MACC1: variants seen among roughly 807,000 people sequenced by gnomAD.
The protein encoded by MACC1 is metastasis-associated in colon cancer protein 1.
A neutral mutation model predicts 70.7 loss-of-function variants in MACC1; 79 were observed. The observed-to-expected ratio is 1.12, with a 90% CI of 0.93 to 1.35. The LOEUF (loss-of-function observed/expected upper bound fraction) is 1.35. Among genes scored for constraint, MACC1 ranks in the 40% most tolerant of loss-of-function variants. The pLI is 0.00. For synonymous variants in MACC1, 361 were observed against 347.2 expected (o/e 1.04, Z -0.44); for missense variants, 1,106 against 978.1 (o/e 1.13, Z -1.74).
intron 1 of MACC1, among the ~76,000 whole-genome samples, chr7:20,194,221 T>C (rs550269381): frequency 2.0e-4 from 30 of 152,196 alleles, no homozygotes; most frequent in Non-Finnish European, 3.5e-4. Context: ...TGCCGCTTTT[T>C]TTATATCCTA....
At chr7:20,197,218 G>T (rs1211261217) in intron 1 of MACC1, among the ~76,000 whole-genome samples, 2 of 152,152 alleles carry the variant, frequency 1.3e-5, no homozygotes, top group Non-Finnish European at 2.9e-5. Context: ...TTTTCCTAAA[G>T]TCAACAAGTC....
chr7:20,141,807 T>C (rs977278030), intron 6 of MACC1: 10 of 152,110 alleles, frequency 6.6e-5, no homozygotes, highest in African/African-American at 1.2e-4. Flanking sequence ...ATTGTTTCCA[T>C]AGAAATAAAT....
chr7:20,175,834 G>A (rs3114440), intron 1 of MACC1, among the ~76,000 whole-genome samples: 70,377 of 151,954 alleles, frequency 0.46, 17,628 homozygotes, highest in East Asian at 0.86. Context: ...TGAAGCTGGA[G>A]CAGCCTTAAA....
intron 5 of MACC1, among the ~76,000 whole-genome samples, chr7:20,155,059 T>C (rs1249394121): frequency 6.6e-6 from 1 of 152,166 alleles, no homozygotes; most frequent in African/African-American, 2.4e-5. Context: ...CACCTAGTCT[T>C]CTACAATGCA....
chr7:20,177,485 T>C (rs1782411840), intron 1 of MACC1, among the ~76,000 whole-genome samples: 4 of 152,258 alleles, frequency 2.6e-5, no homozygotes, highest in Non-Finnish European at 4.4e-5. Context: ...TGTTAAACCA[T>C]ATAAGTATGT....
intron 1 of MACC1, among the ~76,000 whole-genome samples, chr7:20,205,980 CT>C (rs1417658332): frequency 6.6e-6 from 1 of 152,006 alleles, no homozygotes; most frequent in Non-Finnish European, 1.5e-5. Context: ...ATTTCTTTTC[CT>C]TAGTTCTGCC....
intron 1 of MACC1, among the ~76,000 whole-genome samples, chr7:20,212,108 T>C (rs1422567609): frequency 6.6e-6 from 1 of 152,132 alleles, no homozygotes; most frequent in Non-Finnish European, 1.5e-5. Flanking sequence ...GATAGGATAG[T>C]GGTAACCTTT....
chr7:20,193,624 G>A (rs756441027), intron 1 of MACC1, among the ~76,000 whole-genome samples: 1 of 152,178 alleles, frequency 6.6e-6, no homozygotes, highest in Non-Finnish European at 1.5e-5. Flanking sequence ...TGTCAAAGCT[G>A]TAGCTAAACT....
rs1020010894 is a variant in MACC1, at chr7:20,164,405, A to G, written c.-152-6T>C. ...AAGCAGAAGCCTTTTCTGATCTATA[A>G]AAATGAAAGAAAAAATTAAAACAAG... On this transcript the variant is annotated splice_polypyrimidine_tract_variant and splice_region_variant and intron_variant, in intron 2 of 6. Transcript: ENST00000400331. 1 of 152,156 alleles carries G rather than the reference A, an allele frequency of 6.6e-6. No homozygotes were observed. The highest frequency in any genetic ancestry group is 2.4e-5 in the African/African-American group (1 of 41,424). The allele number at this position is 152,156 out of a possible 1,614,324, so 9.4% of individuals were successfully genotyped here.
At chr7:20,146,076 G>A (rs1781886270) in intron 6 of MACC1, among the ~76,000 whole-genome samples, 1 of 150,866 alleles carries the variant, frequency 6.6e-6, no homozygotes, top group Admixed American at 6.6e-5. Flanking sequence ...CAGGAGAATC[G>A]CTTGAACCCA....
In MACC1 at chr7:20,167,588, G is replaced by A. The variant is rs147967961; in HGVS notation, c.-153+3126C>T. Among the ~76,000 whole-genome samples, 33 of 151,162 alleles carry A rather than the reference G, an allele frequency of 2.2e-4. 1 individual carries two copies. Among genetic ancestry groups the A allele is most frequent in the African/African-American group, 7.5e-4 (31 of 41,112 alleles). ...GCTACTAAGTAGCAAACCAGTCTTTGAACTTAAGGATACTAGATACTAGCA... is the reference window on the plus strand; with the variant it reads ...GCTACTAAGTAGCAAACCAGTCTTTAAACTTAAGGATACTAGATACTAGCA... On this transcript the variant is annotated intron_variant, in intron 2 of 6. Coordinates refer to ENST00000400331, the MANE Select transcript of MACC1 (RefSeq NM_182762.4).
chr7:20,145,292 A>G (rs997535518), intron 6 of MACC1, among the ~76,000 whole-genome samples: 1 of 152,142 alleles, frequency 6.6e-6, no homozygotes, highest in Admixed American at 6.5e-5. Flanking sequence ...GGAAATTAGC[A>G]GGACTTTGGT....
At chr7:20,198,402 C>G (rs1275941994) in intron 1 of MACC1, 5 of 152,138 alleles carry the variant, frequency 3.3e-5, no homozygotes, top group African/African-American at 1.2e-4. Flanking sequence ...CATGCTAGTC[C>G]AGGATATAAA....
intron 1 of MACC1, among the ~76,000 whole-genome samples, chr7:20,189,241 C>G (rs1171681934): frequency 6.6e-6 from 1 of 152,128 alleles, no homozygotes. Flanking sequence ...CTTCATGTTA[C>G]TCACAAAATA....
rs12671223 is a variant in MACC1, at chr7:20,175,049, T to C, written c.-217-4271A>G. Among the ~76,000 whole-genome samples, 1,133 of 152,230 alleles carry C rather than the reference T, an allele frequency of 7.4e-3. 27 individuals are homozygous for C. Among genetic ancestry groups the C allele is most frequent in the East Asian group, 0.039 (202 of 5,190 alleles). The stretch of plus-strand genomic sequence containing the variant: ...ATTTACGATATTTTATGTCATATTC[T>C]AATTTTATGTTGACAAATCTATAAA... On this transcript the variant is annotated intron_variant, in intron 1 of 6. Transcript: ENST00000400331.
rs191735303 is a variant in MACC1 at position 20,160,394 on chromosome 7, A to G, written c.116-149T>C. ...TAGTCTACTAGCTAACATAAACTCA[A>G]TGTTAAATTTGCTCAAATTTATATG... On this transcript the variant is annotated intron_variant, in intron 4 of 6. Coordinates refer to ENST00000400331, the MANE Select transcript of MACC1 (RefSeq NM_182762.4). The G allele has an allele frequency of 1.6e-5, 15 of 911,440 alleles. No individual in the cohort carries two copies. The Admixed American group carries it at 4.0e-4, about 24-fold the overall frequency. 56.5% of individuals were successfully genotyped at this position (911,440 alleles called of 1,614,324 possible). A position where few individuals can be genotyped will look rare whatever the true frequency, so the allele number is the denominator to read the frequency against.
At chr7:20,209,265 T>C (rs933171065) in intron 1 of MACC1, among the ~76,000 whole-genome samples, 17 of 152,200 alleles carry the variant, frequency 1.1e-4, no homozygotes, top group African/African-American at 3.6e-4. Flanking sequence ...TGACATTTTG[T>C]ACCATATGCC....
In MACC1 at chr7:20,140,576, G is replaced by A. The variant is rs1781781237; in HGVS notation, c.*370C>T. 6.0e-6 allele frequency: 1 copy of A among 166,866 alleles called. No individual in the cohort carries two copies. The highest frequency in any genetic ancestry group is 2.0e-4 in the South Asian group (1 of 5,092). 10.3% of individuals were successfully genotyped at this position (166,866 alleles called of 1,614,324 possible). On this transcript the variant is annotated 3_prime_UTR_variant, in exon 7 of 7. Coordinates refer to ENST00000400331, the MANE Select transcript of MACC1 (RefSeq NM_182762.4). ...TAATTATTCAAACAGCTTTGACTTA[G>A]TAAATTTAAAATAACACTGAAAGAG... is the stretch of plus-strand genomic sequence containing the variant.
At chr7:20,147,533 T>C (rs1175953190) in intron 6 of MACC1, 9 of 152,214 alleles carry the variant, frequency 5.9e-5, no homozygotes, top group Non-Finnish European at 8.8e-5. Flanking sequence ...ATTTACAATA[T>C]TCAGGTAAGC....
Sources: gnomAD v4.1 joint callset for allele counts (sites outside exome capture counted in the v4.1 genomes callset) on GRCh38, gnomAD v4.1.1 for gene constraint, MANE v1.5 for transcripts, NCBI Gene and HGNC (gene_info 2026-07-23, HGNC 2026-07-21) for gene names.